WWOX: variants seen among roughly 807,000 people sequenced by gnomAD.
WWOX encodes WW domain containing oxidoreductase.
In WWOX, 69 loss-of-function variants were observed where a neutral mutation model predicts 46.2. That is an observed-to-expected ratio of 1.49 (90% CI 1.23 to 1.82). WWOX has a LOEUF of 1.82. WWOX is among the 40% of genes most tolerant of loss of function. The pLI is 0.00. For synonymous variants in WWOX, 359 were observed against 202.6 expected (o/e 1.77, Z -6.56); for missense variants, 919 against 542.6 (o/e 1.69, Z -6.89).
chr16:79,060,189 T>A (rs2048334120), intron 8 of WWOX, among the ~76,000 whole-genome samples: 1 of 152,210 alleles, frequency 6.6e-6, no homozygotes, highest in South Asian at 2.1e-4. Flanking sequence ...CCACCAAGCC[T>A]CATTTTTCTT....
At position 79,146,388 on chromosome 16, in the gene WWOX, C is replaced by T. The variant is rs374510833; in HGVS notation, c.1057-65220C>T. 2.0e-5 allele frequency among the ~76,000 whole-genome samples: 3 copies of T among 152,214 alleles called. No individual in the cohort carries two copies. In the South Asian group the frequency reaches 6.2e-4, roughly 32 times the overall value. On this transcript the variant is annotated intron_variant, in intron 8 of 8. Transcript: ENST00000566780. ...TGAGGCTTCTATTTTAGAGACTTTT[C>T]CTCCAGAACTGGCTTATATCATCCT...
intron 4 of WWOX, among the ~76,000 whole-genome samples, chr16:78,149,734 A>C (rs1369147383): frequency 1.3e-5 from 2 of 152,168 alleles, no homozygotes; most frequent in East Asian, 3.9e-4. Flanking sequence ...CACAGAGAAT[A>C]GATGGCAAAT....
At chr16:78,578,502 A>T (rs1260077378) in intron 8 of WWOX, among the ~76,000 whole-genome samples, 2 of 151,112 alleles carry the variant, frequency 1.3e-5, no homozygotes, top group Non-Finnish European at 2.9e-5. Context: ...TGTTATCAGG[A>T]TGGTCTCAAT....
chr16:78,432,779 A>G (rs750258685), intron 8 of WWOX, 27 bp downstream of exon 8: 11 of 1,613,834 alleles, frequency 6.8e-6, no homozygotes, highest in Non-Finnish European at 9.3e-6. Flanking sequence ...TGGCGCCGCA[A>G]ACACCTTGGG....
At chr16:78,344,348 A>G (rs1009010764) in intron 5 of WWOX, among the ~76,000 whole-genome samples, 1 of 120,900 alleles carries the variant, frequency 8.3e-6, no homozygotes, top group Non-Finnish European at 2.0e-5. Context: ...GTATTTTTTT[A>G]TTTGAAAGGT....
At chr16:78,865,994 C>T (rs1427441129) in intron 8 of WWOX, among the ~76,000 whole-genome samples, 2 of 152,134 alleles carry the variant, frequency 1.3e-5, no homozygotes, top group Non-Finnish European at 2.9e-5. Context: ...TCACATACTA[C>T]GCAGAAAGGG....
chr16:78,970,299 C>T (rs192355165), intron 8 of WWOX, among the ~76,000 whole-genome samples: 2 of 152,326 alleles, frequency 1.3e-5, no homozygotes, highest in Admixed American at 6.5e-5. Flanking sequence ...ATTCTCTGCC[C>T]TTCCCCACTA....
Position 78,596,403 on chromosome 16 carries a change from T to A in WWOX, c.1056+163651T>A, listed in dbSNP as rs561895210. On this transcript the variant is annotated intron_variant, in intron 8 of 8. Coordinates refer to ENST00000566780, the MANE Select transcript of WWOX (RefSeq NM_016373.4). The stretch of plus-strand genomic sequence containing the variant: ...AAGGTGTACATCAGTGAAGAGGTAA[T>A]CCAGGTCACGGTGGGATGACACAGG... 2.2e-3 allele frequency among the ~76,000 whole-genome samples: 336 copies of A among 151,502 alleles called. 2 individuals are homozygous for A. Among genetic ancestry groups the A allele is most frequent in the African/African-American group, 7.5e-3 (313 of 41,472 alleles).
intron 8 of WWOX, among the ~76,000 whole-genome samples, chr16:79,021,525 A>G (rs1010621211): frequency 1.3e-5 from 2 of 152,214 alleles, no homozygotes; most frequent in Admixed American, 6.5e-5. Flanking sequence ...TTCTTAACCC[A>G]TTAAAGAACA....
chr16:78,517,700 C>G (rs905673068), intron 8 of WWOX, among the ~76,000 whole-genome samples: 1 of 151,922 alleles, frequency 6.6e-6, no homozygotes, highest in African/African-American at 2.4e-5. Flanking sequence ...AAAGGGCATG[C>G]GTTGACTTCA....
intron 8 of WWOX, among the ~76,000 whole-genome samples, chr16:79,178,985 C>A (rs2050856908): frequency 6.6e-6 from 1 of 152,156 alleles, no homozygotes; most frequent in Non-Finnish European, 1.5e-5. Context: ...CATACTCCTG[C>A]AAGGTAAATG....
intron 8 of WWOX, among the ~76,000 whole-genome samples, chr16:79,180,095 CA>C (rs1401055300): frequency 1.3e-5 from 2 of 151,854 alleles, no homozygotes; most frequent in Non-Finnish European, 2.9e-5. Context: ...CCCAGTTCAA[CA>C]AGAAAGAATC....
chr16:78,864,386 G>A (rs1289169023), intron 8 of WWOX, among the ~76,000 whole-genome samples: 6 of 151,796 alleles, frequency 4.0e-5, no homozygotes, highest in Non-Finnish European at 7.4e-5. Context: ...TCCCACCTCA[G>A]CCTCCTGAGT....
At position 78,944,280 on chromosome 16, in the gene WWOX, T is replaced by C. The variant is rs74649020; in HGVS notation, c.1057-267328T>C. Among the ~76,000 whole-genome samples, 1,512 of 152,300 alleles carry C rather than the reference T, an allele frequency of 9.9e-3. 29 individuals carry two copies. Among genetic ancestry groups the C allele is most frequent in the African/African-American group, 0.034 (1,398 of 41,566 alleles). ...AACTCTCCCCTACTTTATCAGCATCTACATCTTTCAGCCTCTACCACATTG... is the reference window on the plus strand; with the variant it reads ...AACTCTCCCCTACTTTATCAGCATCCACATCTTTCAGCCTCTACCACATTG... On this transcript the variant is annotated intron_variant, in intron 8 of 8. Coordinates refer to ENST00000566780, the MANE Select transcript of WWOX (RefSeq NM_016373.4).
In WWOX at chr16:79,055,367, G is replaced by T. The variant is rs188859328; in HGVS notation, c.1057-156241G>T. Among the ~76,000 whole-genome samples, 25 of 152,038 alleles carry T rather than the reference G, an allele frequency of 1.6e-4. No homozygotes were observed. In the East Asian group the frequency reaches 3.7e-3, roughly 22 times the overall value. ...TGAATTCATCTTCCCTTGTATCTAG[G>T]CTGCACTTATTCGTTTGCTTGACCA... On this transcript the variant is annotated intron_variant, in intron 8 of 8. Transcript: ENST00000566780.
chr16:78,244,970 A>C (rs981327009), intron 5 of WWOX, among the ~76,000 whole-genome samples: 1 of 152,210 alleles, frequency 6.6e-6, no homozygotes, highest in African/African-American at 2.4e-5. Context: ...GCATTTTGGC[A>C]CATATTCTTA....
At chr16:78,578,018 G>C (rs929491290) in intron 8 of WWOX, among the ~76,000 whole-genome samples, 1 of 151,832 alleles carries the variant, frequency 6.6e-6, no homozygotes, top group Non-Finnish European at 1.5e-5. Flanking sequence ...GAGGAAAAAA[G>C]TATACCGCCA....
chr16:78,463,244 C>G (rs528759341), intron 8 of WWOX, among the ~76,000 whole-genome samples: 1 of 152,278 alleles, frequency 6.6e-6, no homozygotes, highest in East Asian at 1.9e-4. Context: ...ATTTTAGGTG[C>G]ACTGCGCATG....
intron 8 of WWOX, among the ~76,000 whole-genome samples, chr16:79,191,885 C>G (rs991908868): frequency 6.6e-6 from 1 of 152,092 alleles, no homozygotes; most frequent in African/African-American, 2.4e-5. Context: ...GTAGTTTAAA[C>G]AAAATTAGTG....
Sources: allele counts gnomAD v4.1 joint callset (sites outside exome capture counted in the v4.1 genomes callset), GRCh38; gene constraint gnomAD v4.1.1; transcripts MANE v1.5; gene names NCBI Gene and HGNC (gene_info 2026-07-23, HGNC 2026-07-21).